Variants in MTMR3 observed in about 807,000 individuals in gnomAD.
MTMR3 encodes myotubularin related protein 3.
Under a neutral mutation model 132.4 loss-of-function variants are expected in MTMR3, and 32 were observed. That is an observed-to-expected ratio of 0.24 (90% CI 0.18 to 0.32). The LOEUF (loss-of-function observed/expected upper bound fraction) is 0.32, where lower values mean the gene tolerates loss of function less well. Ranked by LOEUF, MTMR3 falls within the 10% of genes least tolerant of loss-of-function variation. The probability of loss-of-function intolerance (pLI) is 1.00; values close to 1 mark genes in which losing one functional copy is unlikely to be tolerated. For synonymous variants in MTMR3, 556 were observed against 550.3 expected, an observed-to-expected ratio of 1.01 and a Z score of -0.14; for missense variants, 1,216 against 1,489.6, an observed-to-expected ratio of 0.82 and a Z score of 3.02.
chr22:30,017,781 C>A, intron 15 of MTMR3, 146 bp from the exon 16 acceptor site: 2 of 967,600 alleles, frequency 2.1e-6, no homozygotes, highest in Non-Finnish European at 3.2e-6. Context: ...TGGGATAGAC[C>A]TGTATCCATT....
rs1569060453 is a variant in MTMR3, at chr22:30,028,744, A to C, written c.*2943A>C. The C allele has an allele frequency of 1.3e-5, 2 of 152,384 alleles. No individual in the cohort carries two copies. The highest frequency in any genetic ancestry group is 4.8e-5 in the African/African-American group (2 of 41,456). 9.4% of individuals were successfully genotyped at this position (152,384 alleles called of 1,614,324 possible). ...ATGTACCTTCTACCTAAAGTATACA[A>C]ACACAAAGAGCCAGCTGAGCTGGTT... On this transcript the variant is annotated 3_prime_UTR_variant, in exon 20 of 20. Coordinates refer to ENST00000401950, the MANE Select transcript of MTMR3 (RefSeq NM_021090.4).
intron 1 of MTMR3, among the ~76,000 whole-genome samples, chr22:29,906,683 A>T (rs1322897018): frequency 1.3e-5 from 2 of 152,162 alleles, no homozygotes; most frequent in Non-Finnish European, 2.9e-5. Context: ...CCATTACTTT[A>T]TTCAGAGCTA....
intron 1 of MTMR3, among the ~76,000 whole-genome samples, chr22:29,890,703 T>A (rs2064779800): frequency 6.6e-6 from 1 of 152,220 alleles, no homozygotes; most frequent in East Asian, 1.9e-4. Context: ...TAAAGTAGTT[T>A]GAAACAGTTT....
chr22:29,939,604 C>G (rs1019323123), intron 1 of MTMR3, among the ~76,000 whole-genome samples: 4 of 152,182 alleles, frequency 2.6e-5, no homozygotes, highest in Non-Finnish European at 4.4e-5. Context: ...GCTTAAATTT[C>G]AAGGTAGACC....
chr22:29,978,468 G>T lies in MTMR3; in HGVS notation c.30G>T (p.Glu10Asp), dbSNP rs756143777. The change falls in exon 4 of 20, where the codon GAG becomes GAT. Residue 10 changes from glutamate to aspartate, a missense_variant. Glu to Asp is a conservative substitution (Grantham distance 45). Around this residue, in one of 7 missense-constraint regions of MTMR3, gnomAD observed 81 missense variants for 87.7 expected, o/e 0.92. Coordinates refer to ENST00000401950, the MANE Select transcript of MTMR3 (RefSeq NM_021090.4). Reference protein sequence around the residue: MDEETRHSLECIQANQIFPR... With the variant: MDEETRHSLDCIQANQIFPR... ...ATGAAGAGACTCGGCACAGCCTTGA[G>T]TGCATCCAGGCCAATCAGATCTTTC... 2.3e-5 allele frequency: 37 copies of T among 1,613,680 alleles called. No individual in the cohort carries two copies. Among genetic ancestry groups the T allele is most frequent in the Non-Finnish European group, 3.0e-5 (35 of 1,179,694 alleles).
At chr22:29,926,992 A>G (rs551583472) in intron 1 of MTMR3, among the ~76,000 whole-genome samples, 3 of 152,198 alleles carry the variant, frequency 2.0e-5, no homozygotes, top group Admixed American at 6.5e-5. Context: ...GTCTGTGTCT[A>G]TTTTGAGTTA....
At chr22:30,021,831 G>T in intron 17 of MTMR3, 198 bp from the exon 18 acceptor site, 2 of 589,028 alleles carry the variant, frequency 3.4e-6, no homozygotes. Flanking sequence ...CACAACCTGT[G>T]TATCCCTCTC....
chr22:29,943,546 A>T (rs893590454), intron 1 of MTMR3, among the ~76,000 whole-genome samples: 1 of 152,060 alleles, frequency 6.6e-6, no homozygotes, highest in African/African-American at 2.4e-5. Context: ...ATAAGTTTAT[A>T]AGTTCATAGA....
chr22:29,925,057 A>G (rs561216048), intron 1 of MTMR3, among the ~76,000 whole-genome samples: 38 of 152,174 alleles, frequency 2.5e-4, no homozygotes, highest in Admixed American at 5.9e-4. Context: ...TTTTGGAGAC[A>G]GAGCAAACTC....
chr22:30,024,360 C>CA (rs1238281833), intron 19 of MTMR3: 1 of 152,138 alleles, frequency 6.6e-6, no homozygotes, highest in African/African-American at 2.4e-5. Flanking sequence ...GAGCTGAACT[C>CA]CAGCAGGAAT....
At chr22:29,896,798 C>A (rs991170680) in intron 1 of MTMR3, among the ~76,000 whole-genome samples, 1 of 151,066 alleles carries the variant, frequency 6.6e-6, no homozygotes, top group African/African-American at 2.4e-5. Context: ...ACTGCAATTA[C>A]ATTTGCACCA....
intron 1 of MTMR3, among the ~76,000 whole-genome samples, chr22:29,930,256 G>C (rs545637304): frequency 4.6e-5 from 7 of 152,210 alleles, no homozygotes; most frequent in Non-Finnish European, 1.0e-4. Context: ...AAGAATTCCA[G>C]GTACCCTTTG....
chr22:29,997,708 T>A (rs1165609421), intron 7 of MTMR3: 3 of 152,184 alleles, frequency 2.0e-5, no homozygotes, highest in Admixed American at 6.5e-5. Flanking sequence ...CTGGCAGTTA[T>A]GATTCCATGA....
At chr22:29,888,535 A>G (rs1454976679) in intron 1 of MTMR3, among the ~76,000 whole-genome samples, 1 of 152,200 alleles carries the variant, frequency 6.6e-6, no homozygotes, top group Middle Eastern at 3.2e-3. Context: ...AATACCTCAT[A>G]GCTATGTTCT....
At position 29,945,712 on chromosome 22, in the gene MTMR3, G is replaced by GAAAAAAAAAAAAAAAAAAA. The variant is rs1238843477; in HGVS notation, c.-137-11319_-137-11318insAAAAAAAAAAAAAAAAAAA. ...AGAGTGAGACTCCAGTCTTTAAAAT[G>GAAAAAAAAAAAAAAAAAAA]AAAAAGAAAAAAAAAAAAAAAATTT... On this transcript the variant is annotated intron_variant, in intron 1 of 19. Coordinates refer to ENST00000401950, the MANE Select transcript of MTMR3 (RefSeq NM_021090.4). Among the ~76,000 whole-genome samples the GAAAAAAAAAAAAAAAAAAA allele has an allele frequency of 7.8e-4, 61 of 78,070 alleles. 1 individual carries two copies. The highest frequency in any genetic ancestry group is 3.8e-3 in the African/African-American group (59 of 15,606). 51.2% of individuals were successfully genotyped at this position (78,070 alleles called of 152,430 possible). A position where few individuals can be genotyped will look rare whatever the true frequency, so the allele number is the denominator to read the frequency against.
chr22:29,886,076 G>A (rs558227442), intron 1 of MTMR3, among the ~76,000 whole-genome samples: 3 of 152,274 alleles, frequency 2.0e-5, no homozygotes, highest in South Asian at 4.1e-4. Flanking sequence ...GCAGTTATCC[G>A]CATATTCTGT....
Position 30,019,345 on chromosome 22 carries a change from T to A in MTMR3, c.1821-135T>A. ...GCTGCTCCAGCAGTCTGGGCCTCGC[T>A]CCAGAGATGCTACAGCTCCATGAGT... On this transcript the variant is annotated intron_variant, in intron 16 of 19. Coordinates refer to ENST00000401950, the MANE Select transcript of MTMR3 (RefSeq NM_021090.4). The A allele has an allele frequency of 4.9e-6, 4 of 821,650 alleles. No individual in the cohort carries two copies. In the East Asian group the frequency reaches 8.0e-5, roughly 16 times the overall value. The allele number at this position is 821,650 out of a possible 1,614,324, so 50.9% of individuals were successfully genotyped here.
intron 1 of MTMR3, among the ~76,000 whole-genome samples, chr22:29,929,318 G>GT (rs1353734394): frequency 1.1e-4 from 16 of 151,972 alleles, no homozygotes; most frequent in Admixed American, 9.2e-4. Flanking sequence ...TTTTCCACCA[G>GT]TGCCAGTACT....
intron 1 of MTMR3, among the ~76,000 whole-genome samples, chr22:29,900,598 T>C (rs2064986338): frequency 6.6e-6 from 1 of 152,180 alleles, no homozygotes; most frequent in Non-Finnish European, 1.5e-5. Flanking sequence ...ACTCATTTAA[T>C]AGTCTAGGAT....
Sources: gnomAD v4.1 joint callset for allele counts (sites outside exome capture counted in the v4.1 genomes callset) on GRCh38, gnomAD v4.1.1 for gene constraint, gnomAD v4.1.1 regional missense constraint, MANE v1.5 for transcripts, NCBI Gene and HGNC (gene_info 2026-07-23, HGNC 2026-07-21) for gene names.